The following MTMR7 variants were observed in gnomAD, a reference collection of about 807,000 sequenced individuals.
MTMR7 encodes the protein phosphatidylinositol-3-phosphate phosphatase MTMR7.
Under a neutral mutation model 81.2 loss-of-function variants are expected in MTMR7, and 76 were observed. That is an observed-to-expected ratio of 0.94 (90% CI 0.78 to 1.13). The LOEUF (loss-of-function observed/expected upper bound fraction) is 1.13, where lower values mean the gene tolerates loss of function less well. MTMR7 is among the 50% of genes most tolerant of loss of function. MTMR7 has a pLI of 0.00. For synonymous variants in MTMR7, 372 were observed against 289.8 expected, an observed-to-expected ratio of 1.28 and a Z score of -2.88; for missense variants, 1,044 against 820.0, an observed-to-expected ratio of 1.27 and a Z score of -3.34.
In MTMR7 at chr8:17,383,283, C is replaced by T. The variant is rs185823528; in HGVS notation, c.25-10043G>A. Among the ~76,000 whole-genome samples, 32 of 152,256 alleles carry T rather than the reference C, an allele frequency of 2.1e-4. 1 individual carries two copies. The highest frequency in any genetic ancestry group is 1.4e-3 in the Admixed American group (22 of 15,292). ...CAAAGGAGGCAGCGTAACTGTGGTGCGTTCCTTTTAACCCTTCCCTCAAGC... is the reference window on the plus strand; with the variant it reads ...CAAAGGAGGCAGCGTAACTGTGGTGTGTTCCTTTTAACCCTTCCCTCAAGC... On this transcript the variant is annotated intron_variant, in intron 1 of 13. Transcript: ENST00000180173.
At chr8:17,386,426 C>G (rs538264700) in intron 1 of MTMR7, among the ~76,000 whole-genome samples, 1 of 152,338 alleles carries the variant, frequency 6.6e-6, no homozygotes, top group Admixed American at 6.5e-5. Context: ...CACAGATGAT[C>G]TGATTCCACC....
At chr8:17,306,097 G>C in intron 10 of MTMR7, 140 bp from the exon 11 acceptor site, 1 of 686,252 alleles carries the variant, frequency 1.5e-6, no homozygotes, top group East Asian at 2.8e-5. Flanking sequence ...AAAAAAGGTA[G>C]AAAAGTTAAG....
At position 17,373,097 on chromosome 8, in the gene MTMR7, C is replaced by A; in HGVS notation, c.147+21G>T. ...TTCAAACAACGCAAAACAAGGAAAG[C>A]TAAAAATAAAGAAAGCATACCCATG... On this transcript the variant is annotated intron_variant, in intron 2 of 13. Transcript: ENST00000180173. 3 of 1,610,416 alleles carry A rather than the reference C, an allele frequency of 1.9e-6. 1 individual carries two copies. In the South Asian group the frequency reaches 3.3e-5, roughly 18 times the overall value.
chr8:17,386,538 G>A (rs1350461683), intron 1 of MTMR7, among the ~76,000 whole-genome samples: 1 of 152,208 alleles, frequency 6.6e-6, no homozygotes, highest in Non-Finnish European at 1.5e-5. Context: ...ACAAAGGTCA[G>A]TGATAGGGCT....
chr8:17,413,195 C>A (rs1316368305), intron 1 of MTMR7, 74 bp downstream of exon 1: 2 of 1,511,156 alleles, frequency 1.3e-6, no homozygotes, highest in Admixed American at 3.9e-5. Flanking sequence ...GTCGGCCTCC[C>A]GCGCGCTCAG....
chr8:17,329,865 T>C (rs1209215025), intron 7 of MTMR7, among the ~76,000 whole-genome samples: 1 of 152,162 alleles, frequency 6.6e-6, no homozygotes, highest in Non-Finnish European at 1.5e-5. Context: ...ATGTCAGGTA[T>C]TGTCACTGTG....
intron 7 of MTMR7, among the ~76,000 whole-genome samples, chr8:17,323,130 T>G (rs1818493402): frequency 6.6e-6 from 1 of 151,640 alleles, no homozygotes; most frequent in Non-Finnish European, 1.5e-5. Flanking sequence ...GTATTTTCAG[T>G]AGAGATGGGG....
rs566852567 is a variant in MTMR7, at chr8:17,330,171, G to A, written c.865+979C>T. The stretch of plus-strand genomic sequence containing the variant: ...CAGATTTCTCCAACCCCAACGTTAG[G>A]GTGTTCTGATTAAACGAAGAACGGC... On this transcript the variant is annotated intron_variant, in intron 7 of 13. Coordinates refer to ENST00000180173, the MANE Select transcript of MTMR7 (RefSeq NM_004686.5). Among the ~76,000 whole-genome samples the A allele has an allele frequency of 5.3e-5, 8 of 152,330 alleles. No homozygotes were observed. The East Asian group carries it at 1.5e-3, about 29-fold the overall frequency.
chr8:17,394,268 C>T (rs1585118980), intron 1 of MTMR7, among the ~76,000 whole-genome samples: 1 of 152,146 alleles, frequency 6.6e-6, no homozygotes, highest in East Asian at 1.9e-4. Flanking sequence ...CAGCACTATT[C>T]CCAATAAAAA....
intron 5 of MTMR7, among the ~76,000 whole-genome samples, chr8:17,345,800 C>A (rs954051405): frequency 2.0e-5 from 3 of 152,156 alleles, no homozygotes; most frequent in Non-Finnish European, 4.4e-5. Context: ...TCACCAGTTC[C>A]CAGTGCCCAA....
intron 6 of MTMR7, among the ~76,000 whole-genome samples, chr8:17,336,018 T>G (rs1210977356): frequency 6.6e-6 from 1 of 152,170 alleles, no homozygotes; most frequent in Non-Finnish European, 1.5e-5. Context: ...GGTAAATTTC[T>G]CTTTGGAAAG....
intron 7 of MTMR7, among the ~76,000 whole-genome samples, chr8:17,322,555 C>T (rs1452948769): frequency 1.3e-5 from 2 of 152,128 alleles, no homozygotes; most frequent in Admixed American, 6.5e-5. Context: ...CACATTGGGT[C>T]ATGCCTGTAA....
intron 7 of MTMR7, among the ~76,000 whole-genome samples, chr8:17,317,249 C>G (rs1818136945): frequency 6.6e-6 from 1 of 152,172 alleles, no homozygotes; most frequent in Non-Finnish European, 1.5e-5. Context: ...GCTGGCAGTG[C>G]CGTGTGCCGT....
At chr8:17,321,792 C>T (rs1156574334) in intron 7 of MTMR7, among the ~76,000 whole-genome samples, 1 of 152,106 alleles carries the variant, frequency 6.6e-6, no homozygotes, top group Non-Finnish European at 1.5e-5. Flanking sequence ...GTTTCATGCC[C>T]AGGTCTAGTG....
intron 4 of MTMR7, among the ~76,000 whole-genome samples, chr8:17,354,775 A>G (rs965287771): frequency 6.6e-6 from 1 of 152,192 alleles, no homozygotes; most frequent in African/African-American, 2.4e-5. Flanking sequence ...ATGGATTTGG[A>G]TATCTCTCTC....
chr8:17,406,721 T>A (rs571712121), intron 1 of MTMR7, among the ~76,000 whole-genome samples: 15 of 152,278 alleles, frequency 9.9e-5, no homozygotes, highest in African/African-American at 3.4e-4. Flanking sequence ...TATTCATAAT[T>A]GCCAAAAAAT....
At chr8:17,399,172 T>C (rs889051424) in intron 1 of MTMR7, among the ~76,000 whole-genome samples, 3 of 151,674 alleles carry the variant, frequency 2.0e-5, no homozygotes, top group Non-Finnish European at 4.4e-5. Flanking sequence ...GCATCCAAAC[T>C]GGAAAGGAAA....
At chr8:17,344,071 G>A (rs73666120) in intron 5 of MTMR7, among the ~76,000 whole-genome samples, 3,437 of 152,138 alleles carry the variant, frequency 0.023, 128 homozygotes, top group African/African-American at 0.079. Flanking sequence ...ACTATTATAA[G>A]AACTTTGCAT....
intron 3 of MTMR7, among the ~76,000 whole-genome samples, chr8:17,364,495 C>T (rs1286660904): frequency 6.6e-6 from 1 of 152,216 alleles, no homozygotes; most frequent in Non-Finnish European, 1.5e-5. Context: ...CTATACTCAA[C>T]ACACTGTGCA....
Sources: gnomAD v4.1 joint callset for allele counts (sites outside exome capture counted in the v4.1 genomes callset) on GRCh38, gnomAD v4.1.1 for gene constraint, MANE v1.5 for transcripts, NCBI Gene and HGNC (gene_info 2026-07-23, HGNC 2026-07-21) for gene names.